RGP1: variants seen among roughly 807,000 people sequenced by gnomAD.
RGP1 encodes RAB6A-GEF complex partner protein 2.
In RGP1, 28 loss-of-function variants were observed where a neutral mutation model predicts 44.5. That is an observed-to-expected ratio of 0.63 (90% CI 0.47 to 0.86). The LOEUF is 0.86. RGP1 is among the 40% of genes least tolerant of loss of function. RGP1 has a pLI of 0.00. For synonymous variants in RGP1, 212 were observed against 196.7 expected, an observed-to-expected ratio of 1.08 and a Z score of -0.65; for missense variants, 417 against 490.7, an observed-to-expected ratio of 0.85 and a Z score of 1.42.
chr9:35,752,026 T>C lies in RGP1; in HGVS notation c.833T>C (p.Val278Ala). The C allele has an allele frequency of 1.2e-6, 2 of 1,610,010 alleles. No homozygotes were observed. Among genetic ancestry groups the C allele is most frequent in the South Asian group, 1.1e-5 (1 of 90,520 alleles). Residue 278 changes from valine (V) to alanine (A), a missense_variant, in exon 8 of 9, where the codon GTC becomes GCC. Transcript: ENST00000378078. ...EYQRRRGAGG[V>A]PSVSHVTHAR... ...CAGCGGCGACGTGGGGCAGGGGGTG[T>C]CCCCTCTGTGTCACATGTGACTCAC...
downstream of RGP1, among the ~76,000 whole-genome samples, chr9:35,760,122 T>G (rs573411118): frequency 6.6e-6 from 1 of 152,270 alleles, no homozygotes; most frequent in African/African-American, 2.4e-5. Context: ...TCCTTTTCTA[T>G]CTCTTTAATG....
At chr9:35,774,650 G>A in the RGP1 span, among the ~76,000 whole-genome samples, 1 of 152,168 alleles carries the variant, frequency 6.6e-6, no homozygotes. Context: ...CGTGAACCCG[G>A]GAGGCGGAGC....
the RGP1 span, among the ~76,000 whole-genome samples, chr9:35,782,492 G>A: frequency 6.6e-6 from 1 of 152,198 alleles, no homozygotes. Flanking sequence ...TGTTGCCCAG[G>A]CTGGAGTGCA....
At chr9:35,769,301 G>A in the RGP1 span, among the ~76,000 whole-genome samples, 1 of 152,212 alleles carries the variant, frequency 6.6e-6, no homozygotes, top group Non-Finnish European at 1.5e-5. Context: ...TGTCCTTGAT[G>A]CTGTTTCCAT....
the RGP1 span, among the ~76,000 whole-genome samples, chr9:35,776,283 C>G: frequency 6.6e-6 from 1 of 151,766 alleles, no homozygotes; most frequent in South Asian, 2.1e-4. Flanking sequence ...TTCTCCTTCT[C>G]CTTCTTCTTC....
chr9:35,751,816 G>A (rs1266450802), intron 7 of RGP1, 62 bp downstream of exon 7: 14 of 1,609,288 alleles, frequency 8.7e-6, no homozygotes, highest in Non-Finnish European at 1.2e-5. Context: ...TAGGGTGGAA[G>A]GCCTGTATAA....
the RGP1 span, among the ~76,000 whole-genome samples, chr9:35,764,118 GAAAAT>G: frequency 6.6e-6 from 1 of 151,820 alleles, no homozygotes; most frequent in Non-Finnish European, 1.5e-5. Flanking sequence ...ACCCTGTCTT[GAAAAT>G]AAAATAAAAT....
the RGP1 span, among the ~76,000 whole-genome samples, chr9:35,781,510 C>T: frequency 2.2e-4 from 34 of 151,978 alleles, no homozygotes; most frequent in East Asian, 6.2e-3. Context: ...TAGTTGGAGG[C>T]CGCAGATGTT....
chr9:35,785,247 C>A, the RGP1 span, among the ~76,000 whole-genome samples: 1 of 152,026 alleles, frequency 6.6e-6, no homozygotes, highest in Non-Finnish European at 1.5e-5. Context: ...GAGATGGATT[C>A]CCTTAAAGCC....
the RGP1 span, among the ~76,000 whole-genome samples, chr9:35,789,744 A>T: frequency 6.6e-6 from 1 of 152,062 alleles, no homozygotes; most frequent in Non-Finnish European, 1.5e-5. Flanking sequence ...GGTGGCTATT[A>T]TATTGTAAGC....
At chr9:35,787,646 T>G in the RGP1 span, among the ~76,000 whole-genome samples, 1 of 152,242 alleles carries the variant, frequency 6.6e-6, no homozygotes, top group African/African-American at 2.4e-5. Flanking sequence ...GGAGGGGAAC[T>G]GGAGGTTTGA....
Position 35,753,270 on chromosome 9 carries a change from G to T in RGP1, c.*396G>T. ...TCACACCCAGCCGGGAAGTCGATGG[G>T]ATGCTGGGACCTGGGGAACCAAGGA... On this transcript the variant is annotated 3_prime_UTR_variant, in exon 9 of 9. Coordinates refer to ENST00000378078, the MANE Select transcript of RGP1 (RefSeq NM_001080496.3). The surrounding 1 kb of genome is among the most constrained non-coding windows in gnomAD (Gnocchi z 4.2). 1 of 1,613,674 alleles carries T rather than the reference G, an allele frequency of 6.2e-7. No homozygotes were observed. Among genetic ancestry groups the T allele is most frequent in the Non-Finnish European group, 8.5e-7 (1 of 1,179,984 alleles).
At chr9:35,751,515 T>G in intron 6 of RGP1, 103 bp downstream of exon 6, 1 of 1,592,634 alleles carries the variant, frequency 6.3e-7, no homozygotes, top group Non-Finnish European at 8.6e-7. Context: ...GATCCACTGA[T>G]ACCTGACACC....
chr9:35,749,656 T>A lies in RGP1; in HGVS notation c.-19-81T>A. 1.2e-6 allele frequency: 1 copy of A among 819,354 alleles called. No homozygotes were observed. Among genetic ancestry groups the A allele is most frequent in the Non-Finnish European group, 2.1e-6 (1 of 482,364 alleles). The allele number at this position is 819,354 out of a possible 1,614,324, so 50.8% of individuals were successfully genotyped here. On this transcript the variant is annotated intron_variant, in intron 1 of 8. Transcript: ENST00000378078. This position sits in a 1 kb window ranked among gnomAD's most constrained non-coding sequence, Gnocchi z 4.4. ...ACCACGGTGCTGACCACCCCTGTCC[T>A]CAGCCCTCAGCCCTAGGTGCTCACC...
At position 35,752,770 on chromosome 9, in the gene RGP1, G is replaced by A. The variant is rs1827288183; in HGVS notation, c.1072G>A (p.Val358Ile). 2 of 1,613,844 alleles carry A rather than the reference G, an allele frequency of 1.2e-6. No homozygotes were observed. The highest frequency in any genetic ancestry group is 2.2e-5 in the East Asian group (1 of 44,870). The change falls in exon 9 of 9, where the codon GTA becomes ATA. Residue 358 changes from valine (V) to isoleucine (I), a missense_variant. By Grantham distance (29) the Val-to-Ile change is conservative. Coordinates refer to ENST00000378078, the MANE Select transcript of RGP1 (RefSeq NM_001080496.3). The part of the protein sequence containing the change: ...TTWTGPEQVP[V>I]DTFSWDLPIK... ...CTGGACAGGACCTGAGCAAGTACCTGTAGACACCTTCAGCTGGGACCTGCC... is the reference window on the plus strand; with the variant it reads ...CTGGACAGGACCTGAGCAAGTACCTATAGACACCTTCAGCTGGGACCTGCC...
At chr9:35,771,332 G>A in the RGP1 span, among the ~76,000 whole-genome samples, 1 of 152,160 alleles carries the variant, frequency 6.6e-6, no homozygotes, top group African/African-American at 2.4e-5. Flanking sequence ...CCTTCTGGAG[G>A]TGTTAGTGGT....
chr9:35,785,495 T>C, the RGP1 span, among the ~76,000 whole-genome samples: 2 of 150,612 alleles, frequency 1.3e-5, no homozygotes, highest in Non-Finnish European at 3.0e-5. Context: ...AAAATAACAG[T>C]GTGAAAAACA....
At chr9:35,787,108 A>T in the RGP1 span, among the ~76,000 whole-genome samples, 13,847 of 137,850 alleles carry the variant, frequency 0.1, 2,011 homozygotes, top group African/African-American at 0.33. Flanking sequence ...AAAAAAAAAA[A>T]TTTTTTTTTT....
At chr9:35,751,567 C>G (rs758581466) in intron 6 of RGP1, 60 bp from the exon 7 acceptor site, 1 of 1,609,448 alleles carries the variant, frequency 6.2e-7, no homozygotes. Flanking sequence ...CCTGTGGTGC[C>G]CAGTCCTAGA....
Sources: gnomAD v4.1 joint callset for allele counts (sites outside exome capture counted in the v4.1 genomes callset) on GRCh38, gnomAD v4.1.1 for gene constraint, Gnocchi (gnomAD v3.1) non-coding constraint, MANE v1.5 for transcripts, NCBI Gene and HGNC (gene_info 2026-07-23, HGNC 2026-07-21) for gene names.